Variants in TMPO observed in about 807,000 individuals in gnomAD.
TMPO encodes LEM domain containing 4.
In TMPO, 22 loss-of-function variants were observed where a neutral mutation model predicts 45.4. That is an observed-to-expected ratio of 0.48 (90% CI 0.35 to 0.69). The LOEUF (loss-of-function observed/expected upper bound fraction) is 0.69, where lower values mean the gene tolerates loss of function less well. Ranked by LOEUF, TMPO falls within the 30% of genes least tolerant of loss-of-function variation. The pLI, the probability that TMPO is intolerant of heterozygous loss-of-function variation, is 0.01. For synonymous variants in TMPO, 241 were observed against 204.1 expected, an observed-to-expected ratio of 1.18 and a Z score of -1.54; for missense variants, 512 against 548.8, an observed-to-expected ratio of 0.93 and a Z score of 0.67.
rs1329360942 is a variant in TMPO, at chr12:98,548,580, T to A, written c.*722T>A. The stretch of plus-strand genomic sequence containing the variant: ...GCTAGCTGTACATGTTTTGAAAAGC[T>A]GTTTAGCTAGCTATAAGGCTATAAT... On this transcript the variant is annotated 3_prime_UTR_variant, in exon 9 of 9. Coordinates refer to ENST00000556029, the MANE Select transcript of TMPO (RefSeq NM_001032283.3). 1 of 152,298 alleles carries A rather than the reference T, an allele frequency of 6.6e-6. No homozygotes were observed. The highest frequency in any genetic ancestry group is 1.5e-5 in the Non-Finnish European group (1 of 68,050). 9.4% of individuals were successfully genotyped at this position (152,298 alleles called of 1,614,324 possible).
intron 1 of TMPO, among the ~76,000 whole-genome samples, chr12:98,526,123 A>G (rs1210637139): frequency 2.6e-5 from 4 of 152,164 alleles, no homozygotes; most frequent in African/African-American, 9.7e-5. Context: ...AAACTTTCAA[A>G]TTTTCCCTCA....
At chr12:98,535,099 A>G (rs539102361) in intron 3 of TMPO, 2 of 971,690 alleles carry the variant, frequency 2.1e-6, no homozygotes, top group Non-Finnish European at 2.4e-6. Flanking sequence ...GACCAGTACC[A>G]TGGACCACAC....
Position 98,544,502 on chromosome 12 carries a change from G to T in TMPO, c.844G>T (p.Ala282Ser). The change falls in exon 6 of 9, where the codon GCT (alanine) becomes TCT (serine). Residue 282 changes from alanine (A) to serine (S), a missense_variant. Coordinates refer to ENST00000556029, the MANE Select transcript of TMPO (RefSeq NM_001032283.3). ...AGTAATTTCAGAGAGTACTCCCATA[G>T]CTGAAACTATAATGGCTTCAAGCAA... ...GPVISESTPI[A>S]ETIMASSNES... 1 of 1,613,818 alleles carries T rather than the reference G, an allele frequency of 6.2e-7. No homozygotes were observed. The highest frequency in any genetic ancestry group is 8.5e-7 in the Non-Finnish European group (1 of 1,179,836).
At chr12:98,525,601 C>T (rs1365424109) in intron 1 of TMPO, among the ~76,000 whole-genome samples, 9 of 151,934 alleles carry the variant, frequency 5.9e-5, no homozygotes, top group Non-Finnish European at 8.8e-5. Flanking sequence ...ATTAGCCGGG[C>T]GTGGTGGTGC....
In TMPO at chr12:98,544,698, T is replaced by G. The variant is rs1356091810; in HGVS notation, c.879+161T>G. 3 of 675,740 alleles carry G rather than the reference T, an allele frequency of 4.4e-6. No individual in the cohort carries two copies. In the African/African-American group the frequency reaches 5.5e-5, roughly 12 times the overall value. 41.9% of individuals were successfully genotyped at this position (675,740 alleles called of 1,614,324 possible). A position where few individuals can be genotyped will look rare whatever the true frequency, so the allele number is the denominator to read the frequency against. ...CCATATAGTTCTGAATTTTAGAATTTTCCTATAATATCCAATTTATGTAAA... is the reference window on the plus strand; with the variant it reads ...CCATATAGTTCTGAATTTTAGAATTGTCCTATAATATCCAATTTATGTAAA... On this transcript the variant is annotated intron_variant, in intron 6 of 8. Transcript: ENST00000556029.
intron 3 of TMPO, chr12:98,532,729 C>T (rs1877282111): frequency 1.3e-6 from 2 of 1,586,046 alleles, no homozygotes. Context: ...ATAGTCTTTT[C>T]CTTTGACAGC....
chr12:98,516,291 TC>T (rs1875809757), intron 1 of TMPO, 145 bp downstream of exon 1: 1 of 1,239,556 alleles, frequency 8.1e-7, no homozygotes, highest in Non-Finnish European at 1.0e-6. Flanking sequence ...CGTCGCCCCT[TC>T]CCCGCGGGGC....
intron 4 of TMPO, among the ~76,000 whole-genome samples, chr12:98,543,770 A>G (rs1447767715): frequency 6.6e-6 from 1 of 152,238 alleles, no homozygotes; most frequent in African/African-American, 2.4e-5. Context: ...TAAAATGATT[A>G]TAACCATATG....
At chr12:98,539,115 G>A (rs759674004) in intron 4 of TMPO, among the ~76,000 whole-genome samples, 19 of 152,032 alleles carry the variant, frequency 1.2e-4, no homozygotes, top group Non-Finnish European at 2.4e-4. Flanking sequence ...CAGGAGAATC[G>A]CTTGAACCTT....
chr12:98,521,848 G>T (rs1316394174), intron 1 of TMPO, among the ~76,000 whole-genome samples: 1 of 152,166 alleles, frequency 6.6e-6, no homozygotes, highest in Non-Finnish European at 1.5e-5. Flanking sequence ...TCCTGCCTCA[G>T]CCTCCTGAGG....
At chr12:98,517,395 A>C (rs1050450110) in intron 1 of TMPO, among the ~76,000 whole-genome samples, 1 of 152,238 alleles carries the variant, frequency 6.6e-6, no homozygotes, top group Non-Finnish European at 1.5e-5. Flanking sequence ...AAATCGTAAT[A>C]GGATGAAGCT....
At chr12:98,531,514 C>T (rs538173127) in intron 2 of TMPO, among the ~76,000 whole-genome samples, 166 bp from the exon 3 acceptor site, 1 of 151,804 alleles carries the variant, frequency 6.6e-6, no homozygotes, top group Admixed American at 6.6e-5. Flanking sequence ...GGTTTACAGT[C>T]GTGAGCCACT....
chr12:98,530,951 A>G (rs1467588583), intron 2 of TMPO, among the ~76,000 whole-genome samples: 3 of 152,214 alleles, frequency 2.0e-5, no homozygotes, highest in Non-Finnish European at 4.4e-5. Flanking sequence ...ATTTCCCAAA[A>G]AACCACCTGT....
chr12:98,525,858 T>C (rs920038020), intron 1 of TMPO, among the ~76,000 whole-genome samples: 1 of 152,236 alleles, frequency 6.6e-6, no homozygotes, highest in Non-Finnish European at 1.5e-5. Flanking sequence ...CCCCCTAATA[T>C]TATTGGAAAG....
chr12:98,547,124 G>A (rs766367566), intron 8 of TMPO, among the ~76,000 whole-genome samples: 9 of 149,476 alleles, frequency 6.0e-5, no homozygotes, highest in Admixed American at 4.7e-4. Flanking sequence ...TGCCCAGGCT[G>A]GAGTACAGTG....
In TMPO at chr12:98,543,402, C is replaced by A. The variant is rs1878042477; in HGVS notation, c.664-828C>A. Among the ~76,000 whole-genome samples, 10 of 152,338 alleles carry A rather than the reference C, an allele frequency of 6.6e-5. No homozygotes were observed. In the South Asian group the frequency reaches 2.1e-3, roughly 32 times the overall value. ...GGCCCTACAGCTACAGAATCAGAAT[C>A]TGCATTTAACAGAAGCTTCAAGTGA... On this transcript the variant is annotated intron_variant, in intron 4 of 8. Coordinates refer to ENST00000556029, the MANE Select transcript of TMPO (RefSeq NM_001032283.3).
chr12:98,515,765 G>T lies in TMPO; in HGVS notation c.-103G>T. The T allele has an allele frequency of 1.3e-6, 2 of 1,545,788 alleles. No homozygotes were observed. Among genetic ancestry groups the T allele is most frequent in the Non-Finnish European group, 1.7e-6 (2 of 1,145,364 alleles). ...GCAGCGCTCTTCCCGGGCAGGAGCC[G>T]TGAGGCTCGGAGGCGGCAGCGCGGT... is the stretch of plus-strand genomic sequence containing the variant. On this transcript the variant is annotated 5_prime_UTR_variant, in exon 1 of 9. Transcript: ENST00000556029.
rs761400713 is a variant in TMPO at position 98,537,693 on chromosome 12, G to A, written c.663+121G>A. 9.8e-6 allele frequency: 8 copies of A among 812,838 alleles called. No individual in the cohort carries two copies. The South Asian group carries it at 1.2e-4, about 12-fold the overall frequency. The allele number at this position is 812,838 out of a possible 1,614,324, so 50.4% of individuals were successfully genotyped here. A position where few individuals can be genotyped will look rare whatever the true frequency, so the allele number is the denominator to read the frequency against. ...CAGCACGCTCAATAAACTTAATTCT[G>A]TTGTTAAATGATACTAAAAATCTAA... is the stretch of plus-strand genomic sequence containing the variant. On this transcript the variant is annotated intron_variant, in intron 4 of 8. Transcript: ENST00000556029.
chr12:98,536,566 ATGG>A (rs1877579967), intron 3 of TMPO, among the ~76,000 whole-genome samples: 1 of 152,030 alleles, frequency 6.6e-6, no homozygotes, highest in African/African-American at 2.4e-5. Context: ...GTTGGCCAGG[ATGG>A]TCTTAAGCTG....
Sources: gnomAD v4.1 joint callset for allele counts (sites outside exome capture counted in the v4.1 genomes callset) on GRCh38, gnomAD v4.1.1 for gene constraint, MANE v1.5 for transcripts, NCBI Gene and HGNC (gene_info 2026-07-23, HGNC 2026-07-21) for gene names.